The following ARHGAP35 variants were observed in gnomAD, a reference collection of about 807,000 sequenced individuals.
ARHGAP35 encodes the protein Rho GTPase activating protein 35.
A neutral mutation model predicts 111.1 loss-of-function variants in ARHGAP35; 15 were observed. That is an observed-to-expected ratio of 0.13 (90% CI 0.09 to 0.21). The LOEUF (loss-of-function observed/expected upper bound fraction) is 0.21, where lower values mean the gene tolerates loss of function less well. Ranked by LOEUF, ARHGAP35 falls within the 10% of genes least tolerant of loss-of-function variation. ARHGAP35 has a pLI of 1.00. For synonymous variants in ARHGAP35, 643 were observed against 710.3 expected, an observed-to-expected ratio of 0.91 and a Z score of 1.51; for missense variants, 1,262 against 1,873.0, an observed-to-expected ratio of 0.67 and a Z score of 6.02.
At chr19:46,871,280 TATTGAAATTG>T (rs1273333388) in intron 1 of ARHGAP35, among the ~76,000 whole-genome samples, 2 of 152,204 alleles carry the variant, frequency 1.3e-5, no homozygotes, top group Admixed American at 1.3e-4. Flanking sequence ...ATGGGACTGG[TATTGAAATTG>T]CTATCAGGCC....
chr19:46,878,583 T>G (rs992219928), intron 1 of ARHGAP35, among the ~76,000 whole-genome samples: 18 of 152,308 alleles, frequency 1.2e-4, no homozygotes, highest in African/African-American at 4.3e-4. Context: ...CCTCCGGAAG[T>G]GCTGGGTTTA....
chr19:46,866,132 C>T (rs537586491), intron 1 of ARHGAP35, among the ~76,000 whole-genome samples: 8 of 152,308 alleles, frequency 5.3e-5, no homozygotes, highest in Admixed American at 1.3e-4. Flanking sequence ...CGAGCTACTG[C>T]GCCTGGCCTG....
intron 1 of ARHGAP35, among the ~76,000 whole-genome samples, chr19:46,875,456 T>C (rs1034332417): frequency 6.6e-6 from 1 of 152,144 alleles, no homozygotes; most frequent in Non-Finnish European, 1.5e-5. Flanking sequence ...CTGGAATAGA[T>C]GAAGTCTGTC....
chr19:46,937,313 G>A lies in ARHGAP35; in HGVS notation c.3731G>A (p.Ser1244Asn). The A allele has an allele frequency of 1.2e-6, 2 of 1,613,962 alleles. No individual in the cohort carries two copies. The highest frequency in any genetic ancestry group is 1.7e-6 in the Non-Finnish European group (2 of 1,179,868). The stretch of plus-strand genomic sequence containing the variant: ...TCCATCACAAAGGCAACCTGGGAGA[G>A]TAACTATTTTGGGGTGCCCTTAACA... Reference protein sequence around the residue: ...RPSITKATWESNYFGVPLTTV... With the variant: ...RPSITKATWENNYFGVPLTTV... The change falls in exon 3 of 7, where the codon AGT becomes AAT. Residue 1244 changes from serine (S) to asparagine (N), a missense_variant. By Grantham distance (46) the Ser-to-Asn change is conservative (BLOSUM62 1). This residue lies in a region of ARHGAP35 where 579 missense variants were observed against 716.9 expected (regional missense o/e 0.81). Transcript: ENST00000672722.
chr19:46,876,257 G>C (rs1221911763), intron 1 of ARHGAP35, among the ~76,000 whole-genome samples: 7 of 150,854 alleles, frequency 4.6e-5, no homozygotes, highest in Non-Finnish European at 1.0e-4. Flanking sequence ...ATGGAGTACA[G>C]TGGCATGATC....
At position 46,904,387 on chromosome 19, in the gene ARHGAP35, T is replaced by C. The variant is rs567647417; in HGVS notation, c.-188-14101T>C. 2.0e-5 allele frequency among the ~76,000 whole-genome samples: 3 copies of C among 152,346 alleles called. No homozygotes were observed. The South Asian group carries it at 6.2e-4, about 32-fold the overall frequency. On this transcript the variant is annotated intron_variant, in intron 1 of 6. Coordinates refer to ENST00000672722, the MANE Select transcript of ARHGAP35 (RefSeq NM_004491.5). ...AATTTTTTTTCAAATCAGCCAGTTT[T>C]CCTCAGATTTTGCTTCTTCTTTATC...
intron 3 of ARHGAP35, among the ~76,000 whole-genome samples, chr19:46,969,865 C>T (rs938022531): frequency 9.9e-5 from 15 of 152,032 alleles, no homozygotes; most frequent in African/African-American, 3.6e-4. Flanking sequence ...TCTGTGAATA[C>T]CCCCCTCCCA....
At chr19:46,973,357 C>T (rs753709680) in intron 3 of ARHGAP35, among the ~76,000 whole-genome samples, 15 of 151,890 alleles carry the variant, frequency 9.9e-5, no homozygotes, top group Non-Finnish European at 1.9e-4. Flanking sequence ...GAGCGAGACT[C>T]CGTCTCAAAA....
chr19:46,899,086 G>A (rs981391643), intron 1 of ARHGAP35, among the ~76,000 whole-genome samples: 14 of 152,288 alleles, frequency 9.2e-5, no homozygotes, highest in South Asian at 2.1e-4. Flanking sequence ...CTGCTGATAC[G>A]GAGGAGAATG....
chr19:46,951,886 T>G (rs1007677600), intron 3 of ARHGAP35, among the ~76,000 whole-genome samples: 5 of 152,176 alleles, frequency 3.3e-5, no homozygotes, highest in African/African-American at 1.2e-4. Flanking sequence ...GGTCAGAGCA[T>G]GGACTTTGGA....
intron 1 of ARHGAP35, among the ~76,000 whole-genome samples, chr19:46,862,875 G>T (rs993101007): frequency 6.6e-6 from 1 of 151,806 alleles, no homozygotes; most frequent in African/African-American, 2.4e-5. Flanking sequence ...TCTGCCTCTT[G>T]TCTTCTTTTG....
chr19:46,870,868 A>G lies in ARHGAP35; in HGVS notation c.-189+9659A>G, dbSNP rs199816239. Among the ~76,000 whole-genome samples, 10 of 152,330 alleles carry G rather than the reference A, an allele frequency of 6.6e-5. No homozygotes were observed. The East Asian group carries it at 1.7e-3, about 26-fold the overall frequency. ...CTTAAAAAAAAATAAGGTATAATCTACATGTAGAAAAGTACGTAAATCTTA... is the reference window on the plus strand; with the variant it reads ...CTTAAAAAAAAATAAGGTATAATCTGCATGTAGAAAAGTACGTAAATCTTA... On this transcript the variant is annotated intron_variant, in intron 1 of 6. Transcript: ENST00000672722.
intron 1 of ARHGAP35, among the ~76,000 whole-genome samples, chr19:46,898,470 T>G (rs1599805903): frequency 1.3e-5 from 2 of 152,200 alleles, no homozygotes; most frequent in East Asian, 3.9e-4. Flanking sequence ...TTTCTGGAAT[T>G]TCATTTTCTG....
rs745494141 is a variant in ARHGAP35, at chr19:47,000,208, G to A, written c.4143-123G>A. 3 of 1,032,212 alleles carry A rather than the reference G, an allele frequency of 2.9e-6. No individual in the cohort carries two copies. The highest frequency in any genetic ancestry group is 4.3e-6 in the Non-Finnish European group (3 of 700,766). The allele number at this position is 1,032,212 out of a possible 1,614,324, so 63.9% of individuals were successfully genotyped here. On this transcript the variant is annotated intron_variant, in intron 6 of 6. Transcript: ENST00000672722. The surrounding 1 kb of genome is among the most constrained non-coding windows in gnomAD (Gnocchi z 6.9). The stretch of plus-strand genomic sequence containing the variant: ...GGGCAGGGTACAGAGAGCTGCGCAT[G>A]GCCTTTTCTGCTCCACCTGAGGGAA...
In ARHGAP35 at chr19:46,917,398, A is replaced by G. The variant is rs2056170181; in HGVS notation, c.-188-1090A>G. ...CAAGGCAGGCAGATCGCCTGAGCCT[A>G]GGAGTTTGAAACCAGCCCGGGCAAC... On this transcript the variant is annotated intron_variant, in intron 1 of 6. Coordinates refer to ENST00000672722, the MANE Select transcript of ARHGAP35 (RefSeq NM_004491.5). Among the ~76,000 whole-genome samples, 7 of 152,206 alleles carry G rather than the reference A, an allele frequency of 4.6e-5. No homozygotes were observed. In the South Asian group the frequency reaches 1.4e-3, roughly 31 times the overall value.
chr19:46,885,855 T>C (rs920348156), intron 1 of ARHGAP35, among the ~76,000 whole-genome samples: 1 of 152,172 alleles, frequency 6.6e-6, no homozygotes, highest in Non-Finnish European at 1.5e-5. Flanking sequence ...TGGACTCGAA[T>C]TCCCAGGCTC....
chr19:46,883,961 G>A (rs751257511), intron 1 of ARHGAP35, among the ~76,000 whole-genome samples: 2 of 152,018 alleles, frequency 1.3e-5, no homozygotes, highest in Non-Finnish European at 1.5e-5. Flanking sequence ...AGGCTGAGGC[G>A]GGAGAATCTC....
In ARHGAP35 at chr19:46,933,466, TACTC is replaced by T. The variant is rs372714616; in HGVS notation, c.3682-3796_3682-3793del. 1.5e-4 allele frequency among the ~76,000 whole-genome samples: 23 copies of T among 152,212 alleles called. No individual in the cohort carries two copies. The East Asian group carries it at 4.2e-3, about 28-fold the overall frequency. On this transcript the variant is annotated intron_variant, in intron 2 of 6. Transcript: ENST00000672722. ...CCCAGCTAGTGTGCTTTTATTCACT[TACTC>T]AGTCATCCATTTATTTATTCTCTCC...
chr19:47,001,102 A>C lies in ARHGAP35; in HGVS notation c.*414A>C. The C allele has an allele frequency of 7.9e-7, 1 of 1,261,480 alleles. No individual in the cohort carries two copies. Among genetic ancestry groups the C allele is most frequent in the Non-Finnish European group, 1.0e-6 (1 of 981,216 alleles). 78.1% of individuals were successfully genotyped at this position (1,261,480 alleles called of 1,614,324 possible). A position where few individuals can be genotyped will look rare whatever the true frequency, so the allele number is the denominator to read the frequency against. On this transcript the variant is annotated 3_prime_UTR_variant, in exon 7 of 7. Coordinates refer to ENST00000672722, the MANE Select transcript of ARHGAP35 (RefSeq NM_004491.5). This position sits in a 1 kb window ranked among gnomAD's most constrained non-coding sequence, Gnocchi z 5.4. ...TTCAGGGTGGGGCTGGCAACCCCTG[A>C]AGAGAACACTTCCTGTTGGTCTGTC...
Sources: gnomAD v4.1 joint callset for allele counts (sites outside exome capture counted in the v4.1 genomes callset) on GRCh38, gnomAD v4.1.1 for gene constraint, gnomAD v4.1.1 regional missense constraint, Gnocchi (gnomAD v3.1) non-coding constraint, MANE v1.5 for transcripts, NCBI Gene and HGNC (gene_info 2026-07-23, HGNC 2026-07-21) for gene names.